NFASC: variants seen among roughly 807,000 people sequenced by gnomAD.
NFASC encodes neurofascin, also known as neurofascin homolog.
A neutral mutation model predicts 147.5 loss-of-function variants in NFASC; 43 were observed. The observed-to-expected ratio is 0.29, with a 90% CI of 0.23 to 0.38. NFASC has a LOEUF of 0.38. Among genes scored for constraint, NFASC ranks in the 10% least tolerant of loss-of-function variants. NFASC has a pLI of 1.00. For missense variants in NFASC, 1,320 were observed against 1,689.0 expected (o/e 0.78, Z 3.83); for synonymous variants, 622 against 665.5 (o/e 0.93, Z 1.01).
At chr1:204,973,242 T>C in intron 11 of NFASC, 34 bp from the exon 12 acceptor site, 1 of 1,612,226 alleles carries the variant, frequency 6.2e-7, no homozygotes, top group Non-Finnish European at 8.5e-7. Flanking sequence ...GCCCTCCCCA[T>C]CTCTCATGAG....
At chr1:204,918,855 G>T (rs2089873291) in intron 1 of NFASC, among the ~76,000 whole-genome samples, 1 of 151,846 alleles carries the variant, frequency 6.6e-6, no homozygotes, top group Non-Finnish European at 1.5e-5. Context: ...CAAAGTGCTG[G>T]GATTATAGGC....
chr1:204,993,904 T>A (rs2095794626), intron 24 of NFASC: 5 of 427,212 alleles, frequency 1.2e-5, no homozygotes, highest in South Asian at 8.1e-5. Context: ...GTGGAAGGTT[T>A]TCCCCATGGA....
intron 1 of NFASC, among the ~76,000 whole-genome samples, chr1:204,851,630 G>A (rs2075707795): frequency 6.6e-6 from 1 of 152,020 alleles, no homozygotes; most frequent in Non-Finnish European, 1.5e-5. Context: ...ACCACACCAG[G>A]TCAAATCATG....
intron 4 of NFASC, 82 bp downstream of exon 4, chr1:204,950,656 G>A: frequency 1.5e-6 from 2 of 1,336,988 alleles, no homozygotes; most frequent in Non-Finnish European, 2.1e-6. Context: ...GGGATTAGTG[G>A]CCTGCTGGGA....
At chr1:204,884,847 A>G (rs375717436) in intron 1 of NFASC, among the ~76,000 whole-genome samples, 5 of 152,136 alleles carry the variant, frequency 3.3e-5, no homozygotes, top group African/African-American at 1.2e-4. Flanking sequence ...ATGGGAAATA[A>G]AGAGAGTGCC....
Position 204,968,748 on chromosome 1 carries a change from G to A in NFASC, c.819-50G>A. On this transcript the variant is annotated intron_variant, in intron 9 of 29. Coordinates refer to ENST00000339876, the MANE Select transcript of NFASC (RefSeq NM_001005388.3). This position sits in a 1 kb window ranked among gnomAD's most constrained non-coding sequence, Gnocchi z 5.4. ...GTGTCCCCAGCTGTATAGAAGAGGA[G>A]AAAGGCCACGTTTAGTGATAACTTG... The A allele has an allele frequency of 6.4e-7, 1 of 1,562,628 alleles. No individual in the cohort carries two copies. Among genetic ancestry groups the A allele is most frequent in the Non-Finnish European group, 8.7e-7 (1 of 1,150,962 alleles).
chr1:204,849,598 A>C (rs959311432), intron 1 of NFASC, among the ~76,000 whole-genome samples: 1 of 152,112 alleles, frequency 6.6e-6, no homozygotes, highest in East Asian at 1.9e-4. Context: ...CTCATTTTGC[A>C]AGTGGGGGCC....
chr1:204,933,512 C>T (rs958213994), intron 2 of NFASC, among the ~76,000 whole-genome samples: 4 of 152,182 alleles, frequency 2.6e-5, no homozygotes, highest in Non-Finnish European at 4.4e-5. Flanking sequence ...GAGAATCCGG[C>T]CATGGGATCA....
At chr1:204,919,277 A>T (rs899938052) in intron 1 of NFASC, among the ~76,000 whole-genome samples, 1 of 151,860 alleles carries the variant, frequency 6.6e-6, no homozygotes, top group African/African-American at 2.4e-5. Context: ...TGCCTGCCTC[A>T]GCCTCCCAAA....
rs1320264194 is a variant in NFASC, at chr1:205,015,304, C to T, written c.3492-1004C>T. On this transcript the variant is annotated intron_variant, in intron 29 of 29. Transcript: ENST00000339876. This position sits in a 1 kb window ranked among gnomAD's most constrained non-coding sequence, Gnocchi z 4.0. The stretch of plus-strand genomic sequence containing the variant: ...ACCACTGAGACCCAGACTCCCACTG[C>T]TCAGACCCAGACTCCCACTGCTCAT... Among the ~76,000 whole-genome samples the T allele has an allele frequency of 6.6e-6, 1 of 151,994 alleles. No homozygotes were observed. The highest frequency in any genetic ancestry group is 2.4e-5 in the African/African-American group (1 of 41,322).
At chr1:204,907,287 C>T (rs59710136) in intron 1 of NFASC, among the ~76,000 whole-genome samples, 1 of 151,720 alleles carries the variant, frequency 6.6e-6, no homozygotes, top group African/African-American at 2.4e-5. Context: ...GCAAAATGAT[C>T]TTTTGCTCAT....
intron 3 of NFASC, among the ~76,000 whole-genome samples, chr1:204,950,175 G>C (rs1414924782): frequency 1.3e-5 from 2 of 152,222 alleles, no homozygotes; most frequent in Admixed American, 6.5e-5. Flanking sequence ...TGGCTGAGGA[G>C]CCCACTTCCC....
chr1:204,987,027 G>A lies in NFASC; in HGVS notation c.2471-391G>A. ...CCCAGTGATGAGAATCCTTATCTGA[G>A]GATAGGGAACTGCAGCCTCTGTACA... On this transcript the variant is annotated intron_variant, in intron 21 of 29. Coordinates refer to ENST00000339876, the MANE Select transcript of NFASC (RefSeq NM_001005388.3). The surrounding 1 kb of genome is among the most constrained non-coding windows in gnomAD (Gnocchi z 4.4). The A allele has an allele frequency of 5.0e-6, 1 of 201,218 alleles. No individual in the cohort carries two copies. The highest frequency in any genetic ancestry group is 1.0e-4 in the South Asian group (1 of 9,922). The allele number at this position is 201,218 out of a possible 1,614,324, so 12.5% of individuals were successfully genotyped here.
In NFASC at chr1:204,968,065, G is replaced by A. The variant is rs1221279266; in HGVS notation, c.707-184G>A. On this transcript the variant is annotated intron_variant, in intron 8 of 29. Coordinates refer to ENST00000339876, the MANE Select transcript of NFASC (RefSeq NM_001005388.3). The surrounding 1 kb of genome is among the most constrained non-coding windows in gnomAD (Gnocchi z 5.4). The stretch of plus-strand genomic sequence containing the variant: ...AGAGCTCCTCTCTCTCATGTAGGTG[G>A]GGCTGAGGAGCCCTGGGCTTCCTAA... 1.7e-6 allele frequency: 1 copy of A among 571,738 alleles called. No homozygotes were observed. The highest frequency in any genetic ancestry group is 1.9e-5 in the African/African-American group (1 of 53,186). 35.4% of individuals were successfully genotyped at this position (571,738 alleles called of 1,614,324 possible). A position where few individuals can be genotyped will look rare whatever the true frequency, so the allele number is the denominator to read the frequency against.
chr1:204,994,651 TTTTTG>T (rs1334939764), intron 24 of NFASC, among the ~76,000 whole-genome samples: 1 of 152,122 alleles, frequency 6.6e-6, no homozygotes, highest in African/African-American at 2.4e-5. Flanking sequence ...AGTGTTTGCT[TTTTTG>T]TTTTGTTTTG....
At chr1:204,912,973 A>G (rs1181949789) in intron 1 of NFASC, among the ~76,000 whole-genome samples, 1 of 152,230 alleles carries the variant, frequency 6.6e-6, no homozygotes, top group African/African-American at 2.4e-5. Context: ...GGCTGCAGTA[A>G]GTTGTGATCA....
chr1:204,971,601 T>G (rs2095259618), intron 11 of NFASC, among the ~76,000 whole-genome samples: 1 of 152,140 alleles, frequency 6.6e-6, no homozygotes, highest in Admixed American at 6.5e-5. Flanking sequence ...TATGCCACAT[T>G]CTGTGCTAGA....
intron 1 of NFASC, among the ~76,000 whole-genome samples, chr1:204,861,513 G>A (rs928223045): frequency 4.6e-5 from 7 of 151,348 alleles, no homozygotes; most frequent in Admixed American, 1.3e-4. Context: ...TTTTTGAGAC[G>A]GAGTCTCGCT....
At chr1:204,938,195 A>T (rs146451005) in intron 2 of NFASC, among the ~76,000 whole-genome samples, 134 of 152,292 alleles carry the variant, frequency 8.8e-4, no homozygotes, top group African/African-American at 2.9e-3. Context: ...CGGGCCCCCA[A>T]TGTGGGGAAA....
Sources: allele counts gnomAD v4.1 joint callset (sites outside exome capture counted in the v4.1 genomes callset), GRCh38; gene constraint gnomAD v4.1.1; non-coding constraint Gnocchi (gnomAD v3.1); transcripts MANE v1.5; gene names NCBI Gene and HGNC (gene_info 2026-07-23, HGNC 2026-07-21).